The following NECAB2 variants were observed in gnomAD, a reference collection of about 807,000 sequenced individuals.
NECAB2 encodes N-terminal EF-hand calcium-binding protein 2.
In NECAB2, 68 loss-of-function variants were observed where a neutral mutation model predicts 51.9. The ratio of observed to expected loss-of-function variants is 1.31; its 90% CI spans 1.08 to 1.60. NECAB2 has a LOEUF of 1.60. NECAB2 is among the 40% of genes most tolerant of loss of function. NECAB2 has a pLI of 0.00. For synonymous variants in NECAB2, 329 were observed against 203.5 expected, an observed-to-expected ratio of 1.62 and a Z score of -5.25; for missense variants, 854 against 490.3, an observed-to-expected ratio of 1.74 and a Z score of -7.00.
chr16:83,992,379 C>CCCACCA (rs904355034), intron 6 of NECAB2, among the ~76,000 whole-genome samples: 2 of 143,482 alleles, frequency 1.4e-5, no homozygotes, highest in African/African-American at 5.6e-5. Flanking sequence ...AGCACCCGTC[C>CCCACCA]CCCCGCCCAC....
intron 2 of NECAB2, among the ~76,000 whole-genome samples, chr16:83,973,363 G>C (rs1276087631): frequency 1.3e-5 from 2 of 152,160 alleles, no homozygotes; most frequent in African/African-American, 2.4e-5. Context: ...GGGCATGGTG[G>C]GAGGGCAGGT....
chr16:84,001,601 C>T (rs945628013), intron 11 of NECAB2, among the ~76,000 whole-genome samples: 10 of 152,206 alleles, frequency 6.6e-5, no homozygotes, highest in Admixed American at 2.0e-4. Context: ...GGGGGGATCC[C>T]GCTGCCCATT....
At chr16:83,989,969 T>C (rs11643519) in intron 5 of NECAB2, among the ~76,000 whole-genome samples, 20,922 of 152,064 alleles carry the variant, frequency 0.14, 2,547 homozygotes, top group African/African-American at 0.33. Flanking sequence ...TTTTCCTTAG[T>C]AGCAGCCTGG....
At chr16:83,999,632 C>A (rs556924441) in intron 10 of NECAB2, among the ~76,000 whole-genome samples, 3 of 152,116 alleles carry the variant, frequency 2.0e-5, no homozygotes, top group Non-Finnish European at 4.4e-5. Flanking sequence ...CATTGTAGTG[C>A]ACTTGCAGAG....
At position 84,002,592 on chromosome 16, in the gene NECAB2, A is replaced by C; in HGVS notation, c.*246A>C. 1.7e-6 allele frequency: 1 copy of C among 581,616 alleles called. No individual in the cohort carries two copies. The highest frequency in any genetic ancestry group is 3.1e-6 in the Non-Finnish European group (1 of 327,084). 36.0% of individuals were successfully genotyped at this position (581,616 alleles called of 1,614,324 possible). ...AAGGGGGCGGCTTCCTGGAGCCAGCACCCCTGCCTCCTGGTCCTGGCCTCT... is the reference window on the plus strand; with the variant it reads ...AAGGGGGCGGCTTCCTGGAGCCAGCCCCCCTGCCTCCTGGTCCTGGCCTCT... On this transcript the variant is annotated 3_prime_UTR_variant, in exon 13 of 13. Coordinates refer to ENST00000305202, the MANE Select transcript of NECAB2 (RefSeq NM_019065.3).
chr16:83,998,756 A>G (rs563409272), intron 10 of NECAB2, among the ~76,000 whole-genome samples: 1 of 152,204 alleles, frequency 6.6e-6, no homozygotes, highest in East Asian at 1.9e-4. Flanking sequence ...GAAGGAGAGG[A>G]GAGTCGGTAG....
upstream of NECAB2, chr16:83,965,820 C>T: frequency 1.9e-6 from 3 of 1,612,940 alleles, no homozygotes; most frequent in Non-Finnish European, 2.5e-6. Flanking sequence ...GCAGTGGATC[C>T]TGACCAGCCG....
chr16:83,984,656 G>C (rs1268005640), intron 5 of NECAB2, among the ~76,000 whole-genome samples: 1 of 152,114 alleles, frequency 6.6e-6, no homozygotes, highest in African/African-American at 2.4e-5. Flanking sequence ...TCTGGAGCCT[G>C]GGAAGTCGAG....
intron 10 of NECAB2, among the ~76,000 whole-genome samples, chr16:83,999,398 G>A (rs147931748): frequency 1.3e-5 from 2 of 152,312 alleles, no homozygotes; most frequent in East Asian, 3.9e-4. Flanking sequence ...ATGCGCTGTG[G>A]AGAGGAGGCA....
chr16:83,995,135 TAA>T (rs921279644), intron 8 of NECAB2, among the ~76,000 whole-genome samples: 2 of 152,154 alleles, frequency 1.3e-5, no homozygotes, highest in Non-Finnish European at 2.9e-5. Flanking sequence ...GCAAATGTAT[TAA>T]GTGTGATATG....
At chr16:83,991,120 C>G (rs533916028) in intron 6 of NECAB2, among the ~76,000 whole-genome samples, 3 of 151,696 alleles carry the variant, frequency 2.0e-5, no homozygotes, top group African/African-American at 4.8e-5. Context: ...GTGGCTGGGA[C>G]TGCAGGTGTG....
At chr16:83,978,263 G>A (rs1470019088) in intron 2 of NECAB2, among the ~76,000 whole-genome samples, 181 bp from the exon 3 acceptor site, 1 of 152,122 alleles carries the variant, frequency 6.6e-6, no homozygotes, top group African/African-American at 2.4e-5. Context: ...GGGTGGGTAG[G>A]GATTATCTAA....
intron 9 of NECAB2, among the ~76,000 whole-genome samples, chr16:83,997,543 A>C (rs765317978): frequency 4.1e-5 from 5 of 122,646 alleles, no homozygotes; most frequent in Admixed American, 2.2e-4. Flanking sequence ...GCTGGAGTGC[A>C]GTGGTGGGAT....
Position 83,994,707 on chromosome 16 carries a change from A to T in NECAB2, c.795+19A>T. On this transcript the variant is annotated intron_variant, in intron 8 of 12. Transcript: ENST00000305202. ...GAGCAAAGTAAGCCCTGGCCTGACC[A>T]CGGCGTCTACTCCTTCCAACCCCTG... The T allele has an allele frequency of 6.2e-7, 1 of 1,613,468 alleles. No homozygotes were observed. Among genetic ancestry groups the T allele is most frequent in the African/African-American group, 1.3e-5 (1 of 75,058 alleles).
rs572833398 is a variant in NECAB2 at position 83,980,720 on chromosome 16, G to C, written c.336-119G>C. 385 of 1,357,398 alleles carry C rather than the reference G, an allele frequency of 2.8e-4. 2 individuals are homozygous for C. In the African/African-American group the frequency reaches 5.2e-3, roughly 18 times the overall value. The allele number at this position is 1,357,398 out of a possible 1,614,324, so 84.1% of individuals were successfully genotyped here. A position where few individuals can be genotyped will look rare whatever the true frequency, so the allele number is the denominator to read the frequency against. ...CCCTCTTCTGTAAGGCGGAGCTTGT[G>C]GGGCCAGCACACAGGCTGCAAAGAG... On this transcript the variant is annotated intron_variant, in intron 3 of 12. Transcript: ENST00000305202.
intron 3 of NECAB2, 53 bp downstream of exon 3, chr16:83,978,605 G>A (rs2084447042): frequency 6.8e-7 from 1 of 1,461,396 alleles, no homozygotes; most frequent in African/African-American, 1.4e-5. Flanking sequence ...CTGTGGTGGA[G>A]GCATCTTTTC....
rs536201125 is a variant in NECAB2 at position 83,992,204 on chromosome 16, T to C, written c.596+1574T>C. ...GACTGAAAGAGACGTGAAAGAGGAGTGTTTCTTTCTGGTCTTGTGTTAGGC... is the reference window on the plus strand; with the variant it reads ...GACTGAAAGAGACGTGAAAGAGGAGCGTTTCTTTCTGGTCTTGTGTTAGGC... On this transcript the variant is annotated intron_variant, in intron 6 of 12. Coordinates refer to ENST00000305202, the MANE Select transcript of NECAB2 (RefSeq NM_019065.3). 3.1e-3 allele frequency among the ~76,000 whole-genome samples: 407 copies of C among 129,888 alleles called. 1 individual carries two copies. The highest frequency in any genetic ancestry group is 0.017 in the African/African-American group (376 of 22,458). 85.2% of individuals were successfully genotyped at this position (129,888 alleles called of 152,430 possible). A position where few individuals can be genotyped will look rare whatever the true frequency, so the allele number is the denominator to read the frequency against.
At chr16:83,986,153 A>G (rs558769986) in intron 5 of NECAB2, among the ~76,000 whole-genome samples, 1 of 152,080 alleles carries the variant, frequency 6.6e-6, no homozygotes, top group Non-Finnish European at 1.5e-5. Flanking sequence ...AGTAGCTGGG[A>G]TTACAGGCGT....
upstream of NECAB2, chr16:83,965,853 T>C (rs754251301): frequency 6.2e-6 from 10 of 1,612,912 alleles, no homozygotes; most frequent in Non-Finnish European, 3.4e-6. Context: ...AGGAACCCCA[T>C]TGACGTGGAC....
Sources: allele counts gnomAD v4.1 joint callset (sites outside exome capture counted in the v4.1 genomes callset), GRCh38; gene constraint gnomAD v4.1.1; transcripts MANE v1.5; gene names NCBI Gene and HGNC (gene_info 2026-07-23, HGNC 2026-07-21).